The following SUN5 variants were observed in gnomAD, a reference collection of about 807,000 sequenced individuals.
SUN5 encodes Sad1 and UNC84 domain containing 5, also known as SUN domain-containing protein 5.
A neutral mutation model predicts 53.7 loss-of-function variants in SUN5; 44 were observed. The ratio of observed to expected loss-of-function variants is 0.82; its 90% CI spans 0.64 to 1.05. SUN5 has a LOEUF of 1.05. SUN5 is among the 50% of genes least tolerant of loss of function. The pLI, the probability that SUN5 is intolerant of heterozygous loss-of-function variation, is 0.00. For missense variants in SUN5, 433 were observed against 483.8 expected (o/e 0.90, Z 0.98); for synonymous variants, 166 against 179.8 (o/e 0.92, Z 0.62).
rs781355323 is a variant in SUN5, at chr20:33,004,342, G to A, written c.-2C>T. The A allele has an allele frequency of 9.0e-6, 14 of 1,558,280 alleles. No homozygotes were observed. In the East Asian group the frequency reaches 2.2e-4, roughly 24 times the overall value. On this transcript the variant is annotated 5_prime_UTR_variant, in exon 1 of 13. Coordinates refer to ENST00000356173, the MANE Select transcript of SUN5 (RefSeq NM_080675.4). Reference sequence around the variant, plus strand: ...AGGGCTCCTTGAGGACCGTGGCATCGATTTCCTTCTTTAGGATTGGGGATG... The same window carrying A: ...AGGGCTCCTTGAGGACCGTGGCATCAATTTCCTTCTTTAGGATTGGGGATG...
chr20:32,992,342 C>A (rs2146329694), intron 8 of SUN5, among the ~76,000 whole-genome samples: 1 of 152,270 alleles, frequency 6.6e-6, no homozygotes, highest in Admixed American at 6.5e-5. Flanking sequence ...ACTGGCCATC[C>A]TCAAAAAGCT....
intron 10 of SUN5, among the ~76,000 whole-genome samples, chr20:32,986,236 A>C (rs1388310122): frequency 1.3e-5 from 2 of 152,138 alleles, no homozygotes; most frequent in African/African-American, 2.4e-5. Flanking sequence ...ATGGTCTTAC[A>C]ATCACCCCAT....
At chr20:32,998,842 T>C in intron 5 of SUN5, among the ~76,000 whole-genome samples, 1 of 138,280 alleles carries the variant, frequency 7.2e-6, no homozygotes, top group African/African-American at 2.6e-5. Flanking sequence ...ACAACAAGAC[T>C]CAATCTCTCC....
At chr20:32,989,494 C>T in intron 9 of SUN5, 126 bp downstream of exon 9, 1 of 430,878 alleles carries the variant, frequency 2.3e-6, no homozygotes, top group Admixed American at 5.1e-5. Flanking sequence ...GCAAGAAAAC[C>T]AGCTTGGAAC....
In SUN5 at chr20:32,996,702, C is replaced by T. The variant is rs1310320220; in HGVS notation, c.391-344G>A. Reference sequence around the variant, plus strand: ...CCCATCTACCCACTCTTTCATTCATCCATCTATCCACCAACCCACCCACCC... The same window carrying T: ...CCCATCTACCCACTCTTTCATTCATTCATCTATCCACCAACCCACCCACCC... On this transcript the variant is annotated intron_variant, in intron 6 of 12. Transcript: ENST00000356173. 4.0e-5 allele frequency among the ~76,000 whole-genome samples: 6 copies of T among 149,798 alleles called. No individual in the cohort carries two copies. In the Admixed American group the frequency reaches 4.1e-4, roughly 10 times the overall value.
At chr20:33,001,507 TTTTCTTTCTTTCTTCTTTCTTTC>T (rs1243721255) in intron 3 of SUN5, among the ~76,000 whole-genome samples, 5 of 27,064 alleles carry the variant, frequency 1.8e-4, no homozygotes, top group South Asian at 7.1e-4. Context: ...TTAACAGACA[TTTTCTTTCTTTCTTCTTTCTTTC>T]TTTCTTTCTT....
At chr20:32,984,599 G>T (rs568930957) in intron 12 of SUN5, among the ~76,000 whole-genome samples, 1 of 152,206 alleles carries the variant, frequency 6.6e-6, no homozygotes, top group African/African-American at 2.4e-5. Flanking sequence ...GCAGAAATTC[G>T]GGCCAGTATG....
chr20:33,003,771 A>G (rs1990116080), intron 1 of SUN5, among the ~76,000 whole-genome samples: 1 of 152,150 alleles, frequency 6.6e-6, no homozygotes, highest in Non-Finnish European at 1.5e-5. Context: ...AAAGACATAC[A>G]TTCTAGCCTG....
At chr20:32,989,754 C>T (rs1319691980) in intron 8 of SUN5, 56 bp from the exon 9 acceptor site, 22 of 1,479,342 alleles carry the variant, frequency 1.5e-5, no homozygotes, top group Non-Finnish European at 2.0e-5. Flanking sequence ...GACTGTGATC[C>T]CCACGTGTCC....
Position 32,996,451 on chromosome 20 carries a change from AC to A in SUN5, c.391-94del, listed in dbSNP as rs1989850207. 3 of 1,141,206 alleles carry A rather than the reference AC, an allele frequency of 2.6e-6. No homozygotes were observed. In the South Asian group the frequency reaches 4.4e-5, roughly 17 times the overall value. The allele number at this position is 1,141,206 out of a possible 1,614,324, so 70.7% of individuals were successfully genotyped here. A position where few individuals can be genotyped will look rare whatever the true frequency, so the allele number is the denominator to read the frequency against. ...TCCATCTATTCTCCCACAATTATAA[AC>A]CCATACATTCATCCACTTTCCTGTT... On this transcript the variant is annotated intron_variant, in intron 6 of 12. Coordinates refer to ENST00000356173, the MANE Select transcript of SUN5 (RefSeq NM_080675.4).
At chr20:32,992,280 A>G (rs541192025) in intron 8 of SUN5, among the ~76,000 whole-genome samples, 1 of 152,328 alleles carries the variant, frequency 6.6e-6, no homozygotes, top group Admixed American at 6.5e-5. Context: ...GGGCAAAATA[A>G]TCCCCAATTG....
chr20:32,998,211 G>A (rs926355840), intron 5 of SUN5, among the ~76,000 whole-genome samples: 13 of 127,538 alleles, frequency 1.0e-4, no homozygotes, highest in Admixed American at 3.2e-4. Flanking sequence ...ACAAAAATTA[G>A]CCCGGTGTGG....
intron 3 of SUN5, among the ~76,000 whole-genome samples, chr20:33,001,866 T>C (rs1330580345): frequency 6.6e-6 from 1 of 151,894 alleles, no homozygotes; most frequent in Non-Finnish European, 1.5e-5. Flanking sequence ...ATTGGCCAGG[T>C]TGGTCTCAAA....
At chr20:32,995,566 G>A in intron 8 of SUN5, 53 bp downstream of exon 8, 1 of 1,479,150 alleles carries the variant, frequency 6.8e-7, no homozygotes, top group Non-Finnish European at 9.4e-7. Flanking sequence ...TAGGAAACAG[G>A]ACATCAAACA....
intron 3 of SUN5, 76 bp downstream of exon 3, chr20:33,002,508 CAGG>C: frequency 3.4e-6 from 5 of 1,460,774 alleles, no homozygotes; most frequent in Non-Finnish European, 4.8e-6. Context: ...TTGCCACCCC[CAGG>C]TCAGCCTGGG....
At chr20:33,001,563 T>TTTCTTTCTTTCTTTC in intron 3 of SUN5, among the ~76,000 whole-genome samples, 1 of 91,262 alleles carries the variant, frequency 1.1e-5, no homozygotes, top group Non-Finnish European at 2.2e-5. Flanking sequence ...TCTTTCTTTC[T>TTTCTTTCTTTCTTTC]TTTCTTCCTT....
intron 8 of SUN5, among the ~76,000 whole-genome samples, chr20:32,992,835 T>C (rs1201352575): frequency 6.6e-6 from 1 of 152,068 alleles, no homozygotes; most frequent in African/African-American, 2.4e-5. Flanking sequence ...CAACCAGAAA[T>C]GCAAATTAAA....
At chr20:33,002,532 A>G (rs1365313617) in intron 3 of SUN5, 55 bp downstream of exon 3, 1 of 1,587,742 alleles carries the variant, frequency 6.3e-7, no homozygotes, top group Non-Finnish European at 8.6e-7. Context: ...CCGAGGCTGG[A>G]CCCTCTCCCC....
chr20:33,001,887 C>T (rs1206863007), intron 3 of SUN5, among the ~76,000 whole-genome samples: 1 of 152,068 alleles, frequency 6.6e-6, no homozygotes, highest in African/African-American at 2.4e-5. Context: ...CTCCTGACCT[C>T]GTGATCTGCC....
Sources: gnomAD v4.1 joint callset for allele counts (sites outside exome capture counted in the v4.1 genomes callset) on GRCh38, gnomAD v4.1.1 for gene constraint, MANE v1.5 for transcripts, NCBI Gene and HGNC (gene_info 2026-07-23, HGNC 2026-07-21) for gene names.